COL21A1: variants seen among roughly 807,000 people sequenced by gnomAD.
COL21A1 encodes collagen type XXI alpha 1 chain.
A neutral mutation model predicts 137.9 loss-of-function variants in COL21A1; 149 were observed. The observed-to-expected ratio is 1.08, with a 90% CI of 0.95 to 1.24. COL21A1 has a LOEUF of 1.24. Ranked by LOEUF, COL21A1 falls within the 50% of genes most tolerant of loss-of-function variation. The pLI is 0.00. For synonymous variants in COL21A1, 456 were observed against 391.5 expected (o/e 1.16, Z -1.95); for missense variants, 1,167 against 1,158.4 (o/e 1.01, Z -0.11).
At chr6:56,331,625 C>A (rs999016542) in intron 1 of COL21A1, among the ~76,000 whole-genome samples, 2 of 151,896 alleles carry the variant, frequency 1.3e-5, no homozygotes, top group African/African-American at 4.8e-5. Context: ...CTATTCTGTC[C>A]CATTTATCTA....
At chr6:56,348,282 G>A (rs966133136) in intron 1 of COL21A1, among the ~76,000 whole-genome samples, 3 of 152,148 alleles carry the variant, frequency 2.0e-5, no homozygotes, top group Non-Finnish European at 4.4e-5. Context: ...GCTGTGGCTC[G>A]GTGAGTTGAG....
intron 1 of COL21A1, among the ~76,000 whole-genome samples, chr6:56,304,829 T>C (rs1764401523): frequency 6.6e-6 from 1 of 152,238 alleles, no homozygotes; most frequent in Non-Finnish European, 1.5e-5. Context: ...GATGTTAGGG[T>C]GTCCATTTTA....
intron 1 of COL21A1, chr6:56,276,829 G>A: frequency 1.3e-6 from 1 of 752,690 alleles, no homozygotes; most frequent in Non-Finnish European, 2.2e-6. Flanking sequence ...TTTTTTTTGA[G>A]ACAGAGTCTC....
At chr6:56,136,705 T>G (rs1432163209) in intron 12 of COL21A1, among the ~76,000 whole-genome samples, 1 of 152,204 alleles carries the variant, frequency 6.6e-6, no homozygotes, top group Non-Finnish European at 1.5e-5. Flanking sequence ...TGTGTGTGTT[T>G]CAAATTCACA....
intron 1 of COL21A1, among the ~76,000 whole-genome samples, chr6:56,190,722 C>A (rs989324948): frequency 3.3e-5 from 5 of 152,154 alleles, no homozygotes; most frequent in Admixed American, 3.3e-4. Context: ...CCCAGCAGCA[C>A]ATCAAAAACT....
intron 23 of COL21A1, among the ~76,000 whole-genome samples, 200 bp from the exon 24 acceptor site, chr6:56,064,822 A>G (rs1766108815): frequency 2.0e-5 from 3 of 152,110 alleles, no homozygotes; most frequent in Non-Finnish European, 4.4e-5. Flanking sequence ...TCTTATAGTT[A>G]AAGTGGACAG....
intron 17 of COL21A1, among the ~76,000 whole-genome samples, chr6:56,085,333 T>C (rs900931850): frequency 1.3e-5 from 2 of 152,126 alleles, no homozygotes; most frequent in African/African-American, 4.8e-5. Context: ...TCCTCTTCAA[T>C]TGCATATAGA....
intron 1 of COL21A1, among the ~76,000 whole-genome samples, chr6:56,324,227 T>C (rs1764944567): frequency 6.6e-6 from 1 of 152,142 alleles, no homozygotes; most frequent in South Asian, 2.1e-4. Flanking sequence ...TCAACCAGCC[T>C]TCAATGCCCA....
At chr6:56,073,939 GCTCTATAGAGCT>G (rs138683031) in intron 20 of COL21A1, among the ~76,000 whole-genome samples, 156 of 151,444 alleles carry the variant, frequency 1.0e-3, no homozygotes, top group African/African-American at 3.7e-3. Context: ...TTGGCACTGA[GCTCTATAGAGCT>G]CTAGTATTCC....
rs572878813 is a variant in COL21A1, at chr6:56,121,340, C to A, written c.1758+2722G>T. On this transcript the variant is annotated intron_variant, in intron 16 of 29. Transcript: ENST00000244728. ...ATATGATATGCTGAAAAAGGAAAAA[C>A]CCTGGAGAGAGTAAAAAGATCAATG... Among the ~76,000 whole-genome samples, 3 of 151,456 alleles carry A rather than the reference C, an allele frequency of 2.0e-5. No individual in the cohort carries two copies. In the East Asian group the frequency reaches 5.8e-4, roughly 29 times the overall value.
intron 1 of COL21A1, among the ~76,000 whole-genome samples, chr6:56,352,491 C>A (rs1765731525): frequency 6.7e-6 from 1 of 150,008 alleles, no homozygotes; most frequent in Non-Finnish European, 1.5e-5. Flanking sequence ...CTCCACGCAG[C>A]AAAACACCAG....
intron 10 of COL21A1, among the ~76,000 whole-genome samples, chr6:56,145,724 T>C (rs983829104): frequency 9.9e-5 from 15 of 152,146 alleles, no homozygotes; most frequent in African/African-American, 1.2e-4. Flanking sequence ...GAGTGGTTAA[T>C]ACTGTTCAAC....
intron 1 of COL21A1, among the ~76,000 whole-genome samples, chr6:56,273,400 G>T (rs1440100913): frequency 2.6e-5 from 4 of 152,142 alleles, no homozygotes; most frequent in Admixed American, 2.0e-4. Context: ...ATGAAATTGA[G>T]ATGCATGCAT....
chr6:56,196,154 T>C (rs1779010785), intron 1 of COL21A1, among the ~76,000 whole-genome samples: 2 of 152,122 alleles, frequency 1.3e-5, no homozygotes, highest in African/African-American at 4.8e-5. Context: ...CAAAAGCATC[T>C]GACAAAATTC....
chr6:56,301,365 T>G (rs1220061636), intron 1 of COL21A1, among the ~76,000 whole-genome samples: 1 of 152,178 alleles, frequency 6.6e-6, no homozygotes, highest in Admixed American at 6.6e-5. Context: ...AGGCATTCTC[T>G]AGAAGCTGAA....
At chr6:56,313,596 G>A (rs375789333) in intron 1 of COL21A1, among the ~76,000 whole-genome samples, 1 of 152,044 alleles carries the variant, frequency 6.6e-6, no homozygotes, top group African/African-American at 2.4e-5. Context: ...TATCAGATTA[G>A]GACTCCACCC....
intron 1 of COL21A1, among the ~76,000 whole-genome samples, chr6:56,386,600 GT>G (rs869217165): frequency 8.0e-5 from 11 of 137,282 alleles, no homozygotes; most frequent in Admixed American, 4.8e-4. Flanking sequence ...TGTTGTTGTT[GT>G]TTTTTTTTAA....
chr6:56,061,704 T>C (rs1427402080), intron 24 of COL21A1, 23 bp from the exon 25 acceptor site: 1 of 1,513,494 alleles, frequency 6.6e-7, no homozygotes, highest in Non-Finnish European at 9.1e-7. Flanking sequence ...ATAGAAAAAA[T>C]ATAATAAATG....
intron 6 of COL21A1, among the ~76,000 whole-genome samples, chr6:56,167,423 C>A (rs1776676270): frequency 6.6e-6 from 1 of 152,288 alleles, no homozygotes; most frequent in East Asian, 1.9e-4. Flanking sequence ...TTAGTAGGCC[C>A]AGCACCTGTT....
Sources: gnomAD v4.1 joint callset for allele counts (sites outside exome capture counted in the v4.1 genomes callset) on GRCh38, gnomAD v4.1.1 for gene constraint, MANE v1.5 for transcripts, NCBI Gene and HGNC (gene_info 2026-07-23, HGNC 2026-07-21) for gene names.